SSH2: variants seen among roughly 807,000 people sequenced by gnomAD.
SSH2 encodes slingshot protein phosphatase 2, also known as protein phosphatase Slingshot homolog 2.
Under a neutral mutation model 135.2 loss-of-function variants are expected in SSH2, and 37 were observed. That is an observed-to-expected ratio of 0.27 (90% CI 0.21 to 0.36). The LOEUF (loss-of-function observed/expected upper bound fraction) is 0.36. SSH2 is among the 10% of genes least tolerant of loss of function. The pLI, the probability that SSH2 is intolerant of heterozygous loss-of-function variation, is 1.00. For missense variants in SSH2, 1,408 were observed against 1,765.3 expected, an observed-to-expected ratio of 0.80 and a Z score of 3.63; for synonymous variants, 628 against 646.2, an observed-to-expected ratio of 0.97 and a Z score of 0.43.
At chr17:29,775,465 G>T (rs527606824) in intron 3 of SSH2, among the ~76,000 whole-genome samples, 1 of 151,950 alleles carries the variant, frequency 6.6e-6, no homozygotes, top group Non-Finnish European at 1.5e-5. Context: ...ATATACAACA[G>T]AACTGCAAAT....
chr17:29,752,692 A>G (rs2040982624), intron 3 of SSH2, among the ~76,000 whole-genome samples: 1 of 152,146 alleles, frequency 6.6e-6, no homozygotes, highest in African/African-American at 2.4e-5. Context: ...ATAAAAATGT[A>G]AAACTTTTAT....
At chr17:29,666,246 C>T (rs2037269698) in intron 11 of SSH2, among the ~76,000 whole-genome samples, 1 of 152,072 alleles carries the variant, frequency 6.6e-6, no homozygotes. Context: ...TGGTGGCACA[C>T]GCTTGTGGTC....
intron 2 of SSH2, among the ~76,000 whole-genome samples, chr17:29,818,337 C>T (rs2042594464): frequency 6.6e-6 from 1 of 151,416 alleles, no homozygotes; most frequent in South Asian, 2.1e-4. Context: ...CAAGCTCCGC[C>T]TCCTGGGTTC....
intron 3 of SSH2, among the ~76,000 whole-genome samples, chr17:29,726,276 G>A (rs768192906): frequency 2.6e-5 from 4 of 152,182 alleles, no homozygotes; most frequent in Non-Finnish European, 5.9e-5. Flanking sequence ...AGCAGCATGT[G>A]CAAAGGCCTG....
At chr17:29,719,819 C>T (rs2039760875) in intron 3 of SSH2, among the ~76,000 whole-genome samples, 1 of 152,158 alleles carries the variant, frequency 6.6e-6, no homozygotes, top group Non-Finnish European at 1.5e-5. Context: ...TGCAATGGCA[C>T]AGTCTCGGCT....
rs2066700293 is a variant in SSH2 at position 29,908,632 on chromosome 17, T to C, written c.63+21306A>G. ...TACAAAAATTAGCTGGGCATGGTGA[T>C]GTGCACCTGTAATCCCAGTTACTCG... On this transcript the variant is annotated intron_variant, in intron 1 of 15. Transcript: ENST00000540801. Among the ~76,000 whole-genome samples, 6 of 151,568 alleles carry C rather than the reference T, an allele frequency of 4.0e-5. 1 individual carries two copies. In the South Asian group the frequency reaches 1.3e-3, roughly 32 times the overall value.
rs113676896 is a variant in SSH2, at chr17:29,664,215, C to A, written c.1032+2652G>T. 1.3e-3 allele frequency among the ~76,000 whole-genome samples: 200 copies of A among 151,928 alleles called. 2 individuals carry two copies. Among genetic ancestry groups the A allele is most frequent in the African/African-American group, 4.7e-3 (193 of 41,458 alleles). On this transcript the variant is annotated intron_variant, in intron 11 of 15. Coordinates refer to ENST00000540801, the MANE Select transcript of SSH2 (RefSeq NM_001282129.2). ...AATGAAATCCCGTCTCTACTAAAAA[C>A]ACAAAAAATTAGCCAGGCGTGGTAG... is the stretch of plus-strand genomic sequence containing the variant.
At chr17:29,912,935 C>G (rs2066791478) in intron 1 of SSH2, among the ~76,000 whole-genome samples, 1 of 152,118 alleles carries the variant, frequency 6.6e-6, no homozygotes, top group Admixed American at 6.5e-5. Flanking sequence ...TCTGCCAAAT[C>G]TTATAGCCAC....
At chr17:29,899,510 G>C (rs1441654351) in intron 1 of SSH2, among the ~76,000 whole-genome samples, 1 of 152,104 alleles carries the variant, frequency 6.6e-6, no homozygotes, top group Non-Finnish European at 1.5e-5. Context: ...GCCAAATCAT[G>C]AGTGAACTCC....
chr17:29,661,387 A>C (rs994961529), intron 11 of SSH2, among the ~76,000 whole-genome samples: 1 of 152,224 alleles, frequency 6.6e-6, no homozygotes, highest in Non-Finnish European at 1.5e-5. Context: ...AGCACTGTGA[A>C]AATTGTTAAG....
intron 1 of SSH2, among the ~76,000 whole-genome samples, chr17:29,849,830 T>C (rs2065517776): frequency 8.6e-6 from 1 of 116,236 alleles, no homozygotes; most frequent in South Asian, 3.1e-4. Context: ...TAAAACCCTG[T>C]CTGTACTACA....
chr17:29,727,421 A>T (rs914790199), intron 3 of SSH2, among the ~76,000 whole-genome samples: 1 of 152,214 alleles, frequency 6.6e-6, no homozygotes, highest in Non-Finnish European at 1.5e-5. Context: ...ATCCATTATT[A>T]AAAAATATCT....
In SSH2 at chr17:29,631,170, G is replaced by C. The variant is rs956773710; in HGVS notation, c.4024C>G (p.His1342Asp). Residue 1342 changes from histidine (H) to aspartate (D), a missense_variant, in exon 16 of 16, where the codon CAC becomes GAC. His to Asp is a moderately conservative substitution (Grantham distance 81). Coordinates refer to ENST00000540801, the MANE Select transcript of SSH2 (RefSeq NM_001282129.2). Reference protein sequence around the residue: ...QESLENPGAPHNPEPTKSFVE... With the variant: ...QESLENPGAPDNPEPTKSFVE... ...AAAGACTTGGTGGGCTCTGGGTTGT[G>C]GGGGGCACCTGGGTTTTCTAGGGAC... The C allele has an allele frequency of 1.2e-6, 2 of 1,614,134 alleles. No homozygotes were observed. The highest frequency in any genetic ancestry group is 1.7e-4 in the Middle Eastern group (1 of 6,060).
At chr17:29,841,892 A>ATTTTTTTTTTT (rs770836134) in intron 2 of SSH2, among the ~76,000 whole-genome samples, 3 of 99,636 alleles carry the variant, frequency 3.0e-5, no homozygotes, top group African/African-American at 3.9e-5. Context: ...CCCTTGGCTA[A>ATTTTTTTTTTT]TTTTTTTTTT....
chr17:29,854,272 G>A (rs1207979501), intron 1 of SSH2, among the ~76,000 whole-genome samples: 1 of 151,860 alleles, frequency 6.6e-6, no homozygotes, highest in African/African-American at 2.4e-5. Context: ...ACTTTTCTGG[G>A]TGCTGAATTA....
intron 1 of SSH2, among the ~76,000 whole-genome samples, chr17:29,905,013 G>C (rs1352132013): frequency 1.3e-5 from 2 of 152,118 alleles, no homozygotes; most frequent in South Asian, 2.1e-4. Flanking sequence ...AGAAACAAAT[G>C]GAAAAGCATT....
At chr17:29,784,805 C>A (rs183863321) in intron 3 of SSH2, among the ~76,000 whole-genome samples, 8 of 152,164 alleles carry the variant, frequency 5.3e-5, no homozygotes, top group African/African-American at 1.9e-4. Flanking sequence ...GATATCCTTC[C>A]ATTCTCCCCA....
intron 3 of SSH2, among the ~76,000 whole-genome samples, chr17:29,738,951 A>G (rs922060274): frequency 1.3e-5 from 2 of 152,228 alleles, no homozygotes; most frequent in Non-Finnish European, 2.9e-5. Context: ...GAATTGTGAA[A>G]ACACTTTTAA....
chr17:29,651,191 T>C (rs922795138), intron 12 of SSH2, among the ~76,000 whole-genome samples: 3 of 152,224 alleles, frequency 2.0e-5, no homozygotes, highest in East Asian at 1.9e-4. Flanking sequence ...ATACAATTTA[T>C]TCTCTGAAAG....
Sources: gnomAD v4.1 joint callset for allele counts (sites outside exome capture counted in the v4.1 genomes callset) on GRCh38, gnomAD v4.1.1 for gene constraint, MANE v1.5 for transcripts, NCBI Gene and HGNC (gene_info 2026-07-23, HGNC 2026-07-21) for gene names.